CYTH3: variants seen among roughly 807,000 people sequenced by gnomAD.
CYTH3 encodes cytohesin 3.
A neutral mutation model predicts 55.1 loss-of-function variants in CYTH3; 23 were observed. The ratio of observed to expected loss-of-function variants is 0.42; its 90% CI spans 0.30 to 0.59. The LOEUF (loss-of-function observed/expected upper bound fraction) is 0.59. Among genes scored for constraint, CYTH3 ranks in the 20% least tolerant of loss-of-function variants. The pLI, the probability that CYTH3 is intolerant of heterozygous loss-of-function variation, is 0.20. For missense variants in CYTH3, 413 were observed against 524.8 expected (o/e 0.79, Z 2.08); for synonymous variants, 249 against 194.9 (o/e 1.28, Z -2.31).
At chr7:6,266,709 G>A (rs932456627) in intron 1 of CYTH3, among the ~76,000 whole-genome samples, 5 of 150,754 alleles carry the variant, frequency 3.3e-5, no homozygotes, top group East Asian at 4.0e-4. Flanking sequence ...CCCTGGCCAC[G>A]GGCTTTCCCT....
chr7:6,209,947 G>T (rs1050215517), intron 1 of CYTH3, among the ~76,000 whole-genome samples: 1 of 152,162 alleles, frequency 6.6e-6, no homozygotes, highest in African/African-American at 2.4e-5. Context: ...GGTTGCCAGG[G>T]GTTCAGGGGG....
At chr7:6,201,574 C>G (rs1050912290) in intron 1 of CYTH3, among the ~76,000 whole-genome samples, 10 of 152,120 alleles carry the variant, frequency 6.6e-5, no homozygotes, top group African/African-American at 2.4e-4. Flanking sequence ...GGATCCAGTA[C>G]AGGAGGTGTG....
chr7:6,190,349 T>G (rs1309927998), intron 2 of CYTH3, 100 bp downstream of exon 2: 8 of 897,264 alleles, frequency 8.9e-6, no homozygotes, highest in East Asian at 7.0e-5. Context: ...TTTTTGGGTT[T>G]TTTTTTTTTT....
chr7:6,233,921 T>C (rs1244318113), intron 1 of CYTH3, among the ~76,000 whole-genome samples: 2 of 111,456 alleles, frequency 1.8e-5, no homozygotes, highest in African/African-American at 5.2e-5. Flanking sequence ...AGCTGCCTTT[T>C]CTCTGTGTCC....
chr7:6,244,012 T>TA (rs1779741669), intron 1 of CYTH3, among the ~76,000 whole-genome samples: 1 of 152,262 alleles, frequency 6.6e-6, no homozygotes, highest in South Asian at 2.1e-4. Flanking sequence ...TTGAAGAATT[T>TA]ATTAGAATTC....
intron 1 of CYTH3, among the ~76,000 whole-genome samples, chr7:6,218,241 G>T (rs940198860): frequency 2.6e-5 from 4 of 152,114 alleles, no homozygotes; most frequent in African/African-American, 9.7e-5. Flanking sequence ...GGATCTAAAT[G>T]CAATAAAAAA....
Position 6,259,796 on chromosome 7 carries a change from T to TATATA in CYTH3, c.34+12673_34+12677dup, listed in dbSNP as rs1554255124. Among the ~76,000 whole-genome samples, 19 of 21,836 alleles carry TATATA rather than the reference T, an allele frequency of 8.7e-4. 1 individual carries two copies. Among genetic ancestry groups the TATATA allele is most frequent in the South Asian group, 1.3e-3 (1 of 752 alleles). 14.3% of individuals were successfully genotyped at this position (21,836 alleles called of 152,430 possible). A position where few individuals can be genotyped will look rare whatever the true frequency, so the allele number is the denominator to read the frequency against. ...ATTATATATATATAATATATATATA[T>TATATA]ATATATATATATATATAATATATAT... On this transcript the variant is annotated intron_variant, in intron 1 of 12. Coordinates refer to ENST00000350796, the MANE Select transcript of CYTH3 (RefSeq NM_004227.4).
intron 4 of CYTH3, among the ~76,000 whole-genome samples, chr7:6,185,500 T>C (rs368493749): frequency 6.6e-6 from 1 of 151,794 alleles, no homozygotes; most frequent in Admixed American, 6.6e-5. Context: ...ATCGAGACCA[T>C]CCTAGCTAAC....
intron 1 of CYTH3, among the ~76,000 whole-genome samples, chr7:6,200,362 G>A (rs1187238151): frequency 1.3e-5 from 2 of 152,186 alleles, no homozygotes; most frequent in East Asian, 1.9e-4. Context: ...TTCTCCTGGA[G>A]AAAGATGGAG....
At chr7:6,168,816 C>A (rs755344531) in intron 9 of CYTH3, among the ~76,000 whole-genome samples, 13 of 152,230 alleles carry the variant, frequency 8.5e-5, no homozygotes, top group Non-Finnish European at 5.9e-5. Flanking sequence ...TGGCAGGGGT[C>A]ACATTGGCTG....
chr7:6,237,951 C>T (rs544516943), intron 1 of CYTH3, among the ~76,000 whole-genome samples: 1 of 152,258 alleles, frequency 6.6e-6, no homozygotes, highest in South Asian at 2.1e-4. Flanking sequence ...AGAATCTGGC[C>T]TGCAAATCAG....
chr7:6,173,561 T>C, intron 6 of CYTH3, 92 bp downstream of exon 6: 1 of 809,808 alleles, frequency 1.2e-6, no homozygotes, highest in Admixed American at 1.9e-5. Flanking sequence ...TGGCACCAAG[T>C]TACCTGGAGT....
At chr7:6,165,834 G>C in intron 9 of CYTH3, 24 bp from the exon 10 acceptor site, 1 of 1,613,390 alleles carries the variant, frequency 6.2e-7, no homozygotes, top group Non-Finnish European at 8.5e-7. Context: ...GGCCCCGTGA[G>C]TCTGCGCTCC....
At chr7:6,222,301 C>T (rs776417379) in intron 1 of CYTH3, among the ~76,000 whole-genome samples, 2 of 152,128 alleles carry the variant, frequency 1.3e-5, no homozygotes, top group African/African-American at 4.8e-5. Context: ...GAGCACCTGT[C>T]GATAATGCCT....
intron 1 of CYTH3, among the ~76,000 whole-genome samples, chr7:6,253,778 T>G (rs903540504): frequency 6.6e-6 from 1 of 151,112 alleles, no homozygotes; most frequent in Non-Finnish European, 1.5e-5. Flanking sequence ...ATCATGAGAC[T>G]GCACTCCAGC....
At chr7:6,178,533 C>A (rs1783403340) in intron 4 of CYTH3, among the ~76,000 whole-genome samples, 1 of 152,234 alleles carries the variant, frequency 6.6e-6, no homozygotes, top group Non-Finnish European at 1.5e-5. Context: ...TGCTCTTCCT[C>A]CTCCTTTCTG....
intron 1 of CYTH3, among the ~76,000 whole-genome samples, chr7:6,207,071 A>G (rs1170336046): frequency 6.6e-6 from 1 of 151,806 alleles, no homozygotes; most frequent in East Asian, 1.9e-4. Flanking sequence ...ATTTCACAGA[A>G]ATTAAAATGT....
chr7:6,187,399 G>C (rs886510418), intron 3 of CYTH3, among the ~76,000 whole-genome samples: 1 of 152,232 alleles, frequency 6.6e-6, no homozygotes, highest in African/African-American at 2.4e-5. Context: ...TTCTGTGCGG[G>C]TCAACCCTGA....
At chr7:6,258,260 C>A (rs1239072619) in intron 1 of CYTH3, among the ~76,000 whole-genome samples, 1 of 151,286 alleles carries the variant, frequency 6.6e-6, no homozygotes, top group Non-Finnish European at 1.5e-5. Context: ...CCGCAAAGAG[C>A]CATGATCATG....
Sources: gnomAD v4.1 joint callset for allele counts (sites outside exome capture counted in the v4.1 genomes callset) on GRCh38, gnomAD v4.1.1 for gene constraint, MANE v1.5 for transcripts, NCBI Gene and HGNC (gene_info 2026-07-23, HGNC 2026-07-21) for gene names.